Variants in ADAMTS10 observed in about 807,000 individuals in gnomAD.
The protein encoded by ADAMTS10 is ADAM metallopeptidase with thrombospondin type 1 motif 10.
ADAMTS10 carries 48 observed loss-of-function variants against 135.9 expected under a neutral mutation model. The ratio of observed to expected loss-of-function variants is 0.35; its 90% CI spans 0.28 to 0.45. The LOEUF is 0.45. Among genes scored for constraint, ADAMTS10 ranks in the 20% least tolerant of loss-of-function variants. The pLI is 1.00. For missense variants in ADAMTS10, 1,131 were observed against 1,565.2 expected (o/e 0.72, Z 4.68); for synonymous variants, 621 against 647.5 (o/e 0.96, Z 0.62).
rs2042492830 is a variant in ADAMTS10 at position 8,589,590 on chromosome 19, G to C, written c.1901-5C>G. 5.6e-6 allele frequency: 9 copies of C among 1,613,156 alleles called. No individual in the cohort carries two copies. Among genetic ancestry groups the C allele is most frequent in the Middle Eastern group, 1.6e-4 (1 of 6,084 alleles). On this transcript the variant is annotated splice_region_variant and splice_polypyrimidine_tract_variant and intron_variant, in intron 16 of 25. Transcript: ENST00000597188. ...GCGAGCAGGCCTTCACGCCCCCTGG[G>C]GGGCACGGCCCCGTCACACCACGGG...
chr19:8,585,110 C>A, intron 24 of ADAMTS10, 22 bp downstream of exon 24: 2 of 1,463,448 alleles, frequency 1.4e-6, no homozygotes, highest in Non-Finnish European at 1.8e-6. Context: ...GGCCCCCACC[C>A]CTCTGGGGCG....
rs367867002 is a variant in ADAMTS10, at chr19:8,597,217, G to A, written c.894+17C>T. The A allele has an allele frequency of 5.0e-6, 8 of 1,614,152 alleles. No homozygotes were observed. The highest frequency in any genetic ancestry group is 6.8e-6 in the Non-Finnish European group (8 of 1,180,022). On this transcript the variant is annotated intron_variant, in intron 7 of 25. Coordinates refer to ENST00000597188, the MANE Select transcript of ADAMTS10 (RefSeq NM_030957.4). Reference sequence around the variant, plus strand: ...CTGGTATGAAGGGGAAGGGGAAGGGGAGGAAGTCCCCCGCACCTGGTCCTC... The same window carrying A: ...CTGGTATGAAGGGGAAGGGGAAGGGAAGGAAGTCCCCCGCACCTGGTCCTC...
At position 8,603,867 on chromosome 19, in the gene ADAMTS10, T is replaced by C; in HGVS notation, c.453A>G (p.Ala151=). 1 of 1,612,318 alleles carries C rather than the reference T, an allele frequency of 6.2e-7. No homozygotes were observed. The highest frequency in any genetic ancestry group is 8.5e-7 in the Non-Finnish European group (1 of 1,178,482). ...TCGGLHGLIV[A]DEEEYLIEPL... is the part of the protein sequence containing the mutation. ...GCTCAATCAGGTACTCTTCCTCGTC[T>C]GCCACGATCAGGCCGTGCTGGGTTT... Residue 151 remains alanine, a synonymous_variant, in exon 5 of 26, where the codon GCA becomes GCG. Coordinates refer to ENST00000597188, the MANE Select transcript of ADAMTS10 (RefSeq NM_030957.4).
intron 12 of ADAMTS10, 97 bp from the exon 13 acceptor site, chr19:8,592,967 G>C: frequency 2.6e-6 from 3 of 1,160,616 alleles, no homozygotes; most frequent in Non-Finnish European, 3.7e-6. Flanking sequence ...GCTCACTGCC[G>C]GTCCCAGAGC....
In ADAMTS10 at chr19:8,596,026, C is replaced by T. The variant is rs117907423; in HGVS notation, c.1337+47G>A. On this transcript the variant is annotated intron_variant, in intron 11 of 25. Coordinates refer to ENST00000597188, the MANE Select transcript of ADAMTS10 (RefSeq NM_030957.4). This position sits in a 1 kb window ranked among gnomAD's most constrained non-coding sequence, Gnocchi z 7.2. ...CTATCGTCTCCCGTGTACCCTGCCC[C>T]ACCATGAGTGTGACCCGCTCTGAGG... 6,790 of 1,614,008 alleles carry T rather than the reference C, an allele frequency of 4.2e-3. 19 individuals carry two copies. The highest frequency in any genetic ancestry group is 4.9e-3 in the Non-Finnish European group (5,767 of 1,179,926).
intron 7 of ADAMTS10, 48 bp downstream of exon 7, chr19:8,597,186 G>A (rs782454558): frequency 6.2e-7 from 1 of 1,614,118 alleles, no homozygotes; most frequent in South Asian, 1.1e-5. Context: ...GGGACGGCAG[G>A]ACATGCTGGT....
chr19:8,589,776 G>C (rs1193936139), intron 16 of ADAMTS10, 113 bp downstream of exon 16: 1 of 1,399,528 alleles, frequency 7.1e-7, no homozygotes, highest in Non-Finnish European at 9.9e-7. Flanking sequence ...CTGTCTCCCC[G>C]GGTGGGGACA....
chr19:8,592,180 A>G, intron 13 of ADAMTS10, 77 bp from the exon 14 acceptor site: 1 of 1,526,030 alleles, frequency 6.6e-7, no homozygotes, highest in Non-Finnish European at 8.9e-7. Context: ...TCCCCACTCC[A>G]GGCCCCAGCC....
chr19:8,597,911 C>T (rs1361908651), intron 6 of ADAMTS10, among the ~76,000 whole-genome samples: 1 of 151,928 alleles, frequency 6.6e-6, no homozygotes, highest in Non-Finnish European at 1.5e-5. Context: ...TCAAGCGATT[C>T]TCCTGCCTCA....
chr19:8,586,776 C>T (rs1568393853), intron 19 of ADAMTS10, 40 bp downstream of exon 19: 1 of 1,614,072 alleles, frequency 6.2e-7, no homozygotes, highest in Non-Finnish European at 8.5e-7. Flanking sequence ...GCCCTCCCCA[C>T]TGACCCCTAA....
In ADAMTS10 at chr19:8,595,600, A is replaced by C. The variant is rs1600109413; in HGVS notation, c.1479+162T>G. The C allele has an allele frequency of 7.2e-6, 8 of 1,116,392 alleles. No individual in the cohort carries two copies. The African/African-American group carries it at 9.2e-5, about 13-fold the overall frequency. The allele number at this position is 1,116,392 out of a possible 1,614,324, so 69.2% of individuals were successfully genotyped here. On this transcript the variant is annotated intron_variant, in intron 12 of 25. Transcript: ENST00000597188. ...TTGCTTAGGACATTTTGCACACTCC[A>C]TGCACCTCTGTCCTCCCAGGTCACC... is the stretch of plus-strand genomic sequence containing the variant.
chr19:8,600,452 CTCTT>C (rs1227982975), intron 6 of ADAMTS10, among the ~76,000 whole-genome samples: 17 of 147,868 alleles, frequency 1.1e-4, no homozygotes, highest in South Asian at 2.4e-4. Context: ...TCCTTCCTCT[CTCTT>C]TCTTTCTTTT....
At chr19:8,592,663 G>A (rs1477514892) in intron 13 of ADAMTS10, 100 bp downstream of exon 13, 2 of 1,213,340 alleles carry the variant, frequency 1.6e-6, no homozygotes, top group Non-Finnish European at 2.3e-6. Flanking sequence ...CAATGTGGGA[G>A]GGAGCAGATA....
intron 5 of ADAMTS10, among the ~76,000 whole-genome samples, chr19:8,603,392 A>G (rs1298282096): frequency 1.3e-5 from 2 of 152,102 alleles, no homozygotes; most frequent in African/African-American, 4.8e-5. Context: ...CTCCTGCCTC[A>G]GCCTCCCGAG....
intron 6 of ADAMTS10, among the ~76,000 whole-genome samples, chr19:8,598,561 C>G (rs2042629484): frequency 7.4e-6 from 1 of 134,518 alleles, no homozygotes. Flanking sequence ...TGGAAATCCC[C>G]AGAATTTTTT....
rs1600126910 is a variant in ADAMTS10, at chr19:8,610,420, CGG to C, written c.-215+222_-215+223del. Among the ~76,000 whole-genome samples the C allele has an allele frequency of 2.6e-5, 3 of 114,386 alleles. No individual in the cohort carries two copies. The East Asian group carries it at 6.7e-4, about 25-fold the overall frequency. 75.0% of individuals were successfully genotyped at this position (114,386 alleles called of 152,430 possible). ...CACAACCACTCTGCCCCTACGTGGA[CGG>C]ACACACACACACACACACACACACA... On this transcript the variant is annotated intron_variant, in intron 1 of 25. Coordinates refer to ENST00000597188, the MANE Select transcript of ADAMTS10 (RefSeq NM_030957.4).
Position 8,597,154 on chromosome 19 carries a change from T to G in ADAMTS10, c.895-22A>C, listed in dbSNP as rs944949308. The G allele has an allele frequency of 3.7e-6, 6 of 1,613,816 alleles. No homozygotes were observed. The African/African-American group carries it at 4.0e-5, about 11-fold the overall frequency. ...TGGGCTGGGGATGGACAGAGGGAAA[T>G]GCATGGGCACCCACCACCCAGGGGA... On this transcript the variant is annotated intron_variant, in intron 7 of 25. Transcript: ENST00000597188.
chr19:8,589,109 G>A (rs1555738029), intron 18 of ADAMTS10, 133 bp downstream of exon 18: 7 of 1,461,846 alleles, frequency 4.8e-6, no homozygotes, highest in Non-Finnish European at 1.8e-6. Context: ...CAGGACTTTT[G>A]GGGACTCCTG....
intron 4 of ADAMTS10, 120 bp downstream of exon 4, chr19:8,604,892 G>T: frequency 1.7e-6 from 2 of 1,157,692 alleles, no homozygotes; most frequent in Non-Finnish European, 2.5e-6. Flanking sequence ...GCACTGATTG[G>T]CTCAAAACAC....
Sources: gnomAD v4.1 joint callset for allele counts (sites outside exome capture counted in the v4.1 genomes callset) on GRCh38, gnomAD v4.1.1 for gene constraint, Gnocchi (gnomAD v3.1) non-coding constraint, MANE v1.5 for transcripts, NCBI Gene and HGNC (gene_info 2026-07-23, HGNC 2026-07-21) for gene names.